The following KIAA0513 variants were observed in gnomAD, a reference collection of about 807,000 sequenced individuals.
KIAA0513 encodes uncharacterized protein KIAA0513.
Under a neutral mutation model 56.5 loss-of-function variants are expected in KIAA0513, and 39 were observed. That is an observed-to-expected ratio of 0.69 (90% CI 0.53 to 0.90). The LOEUF is 0.90. KIAA0513 is among the 40% of genes least tolerant of loss of function. The pLI is 0.00. For synonymous variants in KIAA0513, 268 were observed against 215.6 expected (o/e 1.24, Z -2.13); for missense variants, 591 against 535.2 (o/e 1.10, Z -1.03).
chr16:85,078,530 C>A, intron 7 of KIAA0513, 75 bp downstream of exon 7: 2 of 1,436,920 alleles, frequency 1.4e-6, no homozygotes, highest in Non-Finnish European at 1.9e-6. Flanking sequence ...GGTGCACGGC[C>A]TCTGGGGCTT....
At chr16:85,068,334 T>G (rs1454283080) in intron 2 of KIAA0513, among the ~76,000 whole-genome samples, 1 of 149,658 alleles carries the variant, frequency 6.7e-6, no homozygotes, top group Non-Finnish European at 1.5e-5. Context: ...TTTTTGTATT[T>G]TTTTTGTTTT....
intron 1 of KIAA0513, among the ~76,000 whole-genome samples, chr16:85,036,740 A>G (rs2073041451): frequency 6.6e-6 from 1 of 152,090 alleles, no homozygotes; most frequent in South Asian, 2.1e-4. Context: ...ACCACATTGC[A>G]TGTGGTCACA....
At position 85,082,778 on chromosome 16, in the gene KIAA0513, A is replaced by G. The variant is rs370980577; in HGVS notation, c.1010+185A>G. Reference sequence around the variant, plus strand: ...GAGGCCAGCGCTAGGGCAGGCTGGCAATGCGTCCCAGAACTGGGCAGGTGG... The same window carrying G: ...GAGGCCAGCGCTAGGGCAGGCTGGCGATGCGTCCCAGAACTGGGCAGGTGG... On this transcript the variant is annotated intron_variant, in intron 10 of 12. Coordinates refer to ENST00000683363, the MANE Select transcript of KIAA0513 (RefSeq NM_001388359.1). Among the ~76,000 whole-genome samples, 43 of 152,320 alleles carry G rather than the reference A, an allele frequency of 2.8e-4. No homozygotes were observed. The East Asian group carries it at 6.4e-3, about 23-fold the overall frequency.
intron 1 of KIAA0513, among the ~76,000 whole-genome samples, chr16:85,035,602 C>T (rs2073024695): frequency 6.6e-6 from 1 of 152,144 alleles, no homozygotes; most frequent in Admixed American, 6.5e-5. Context: ...GTGATCCTCC[C>T]ACCTCAGCCT....
intron 1 of KIAA0513, among the ~76,000 whole-genome samples, chr16:85,059,755 C>G (rs1251540144): frequency 6.6e-6 from 1 of 152,196 alleles, no homozygotes; most frequent in Non-Finnish European, 1.5e-5. Context: ...TTAGCACGGC[C>G]AGGGAAGATC....
At chr16:85,082,084 T>C (rs1426222154) in intron 9 of KIAA0513, among the ~76,000 whole-genome samples, 1 of 152,212 alleles carries the variant, frequency 6.6e-6, no homozygotes. Flanking sequence ...CCTGTAACAC[T>C]GGGGAGACCC....
chr16:85,078,064 C>T (rs571275860), intron 6 of KIAA0513, among the ~76,000 whole-genome samples: 1 of 152,124 alleles, frequency 6.6e-6, no homozygotes, highest in African/African-American at 2.4e-5. Flanking sequence ...CAGAAGTAGA[C>T]GCGTAGAAGC....
intron 5 of KIAA0513, among the ~76,000 whole-genome samples, chr16:85,077,145 C>G (rs1020886268): frequency 2.6e-5 from 4 of 152,198 alleles, no homozygotes; most frequent in Non-Finnish European, 5.9e-5. Flanking sequence ...GACCCTGCCA[C>G]TTGGGCCTCG....
At chr16:85,068,044 CAT>C (rs1271865075) in intron 2 of KIAA0513, among the ~76,000 whole-genome samples, 1 of 152,126 alleles carries the variant, frequency 6.6e-6, no homozygotes, top group African/African-American at 2.4e-5. Flanking sequence ...CTCCTGACCT[CAT>C]GTGATCCACC....
At chr16:85,061,353 T>G (rs183753451) in intron 1 of KIAA0513, among the ~76,000 whole-genome samples, 2 of 152,242 alleles carry the variant, frequency 1.3e-5, no homozygotes, top group East Asian at 1.9e-4. Flanking sequence ...GAGGATGACG[T>G]GGGGATCAGG....
intron 1 of KIAA0513, among the ~76,000 whole-genome samples, chr16:85,043,284 A>G (rs563058183): frequency 1.3e-5 from 2 of 152,004 alleles, no homozygotes; most frequent in East Asian, 3.9e-4. Context: ...CCAGGTACAC[A>G]CCACACATAC....
rs112901350 is a variant in KIAA0513 at position 85,081,700 on chromosome 16, T to C, written c.980+308T>C. ...CTGCTGGGCCCACCCTGCTGTTTGC[T>C]GGACAAAATCAGCATCCTGAGGATG... On this transcript the variant is annotated intron_variant, in intron 9 of 12. Coordinates refer to ENST00000683363, the MANE Select transcript of KIAA0513 (RefSeq NM_001388359.1). This position sits in a 1 kb window ranked among gnomAD's most constrained non-coding sequence, Gnocchi z 4.4. Among the ~76,000 whole-genome samples the C allele has an allele frequency of 0.013, 1,985 of 152,284 alleles. 39 individuals are homozygous for C. Among genetic ancestry groups the C allele is most frequent in the African/African-American group, 0.044 (1,834 of 41,562 alleles).
intron 1 of KIAA0513, among the ~76,000 whole-genome samples, chr16:85,049,070 G>A (rs769008552): frequency 6.6e-6 from 1 of 152,230 alleles, no homozygotes; most frequent in Non-Finnish European, 1.5e-5. Context: ...TGCTTTGCAC[G>A]GTGGCCATGT....
At chr16:85,048,999 C>T (rs1368945563) in intron 1 of KIAA0513, among the ~76,000 whole-genome samples, 4 of 152,210 alleles carry the variant, frequency 2.6e-5, no homozygotes, top group East Asian at 3.8e-4. Flanking sequence ...GAGGGAAAAG[C>T]GGCCTGATTA....
At chr16:85,061,763 A>G (rs1002872684) in intron 1 of KIAA0513, among the ~76,000 whole-genome samples, 8 of 152,306 alleles carry the variant, frequency 5.3e-5, no homozygotes, top group South Asian at 2.1e-4. Context: ...CACCGGGGCA[A>G]TCTCGTGAGT....
rs1378885079 is a variant in KIAA0513, at chr16:85,032,163, C to T, written c.-173+4305C>T. 9.8e-5 allele frequency among the ~76,000 whole-genome samples: 15 copies of T among 152,312 alleles called. No individual in the cohort carries two copies. The East Asian group carries it at 2.9e-3, about 29-fold the overall frequency. On this transcript the variant is annotated intron_variant, in intron 1 of 12. Coordinates refer to ENST00000683363, the MANE Select transcript of KIAA0513 (RefSeq NM_001388359.1). ...CCAGCTTCTACTGGTGGCCGGTGAT[C>T]CGTGTTGTCCCCTCACTGGCAGCTG...
chr16:85,051,154 A>G (rs2073247373), intron 1 of KIAA0513, among the ~76,000 whole-genome samples: 2 of 152,100 alleles, frequency 1.3e-5, no homozygotes, highest in East Asian at 3.9e-4. Flanking sequence ...TTAAAAAAAA[A>G]GGAAAAGAAA....
chr16:85,070,508 T>C (rs2073557332), intron 2 of KIAA0513, among the ~76,000 whole-genome samples: 1 of 152,090 alleles, frequency 6.6e-6, no homozygotes, highest in South Asian at 2.1e-4. Flanking sequence ...TGAAACCCCG[T>C]CTCTACTAAA....
In KIAA0513 at chr16:85,044,841, G is replaced by A. The variant is rs796282996; in HGVS notation, c.-173+16983G>A. On this transcript the variant is annotated intron_variant, in intron 1 of 12. Coordinates refer to ENST00000683363, the MANE Select transcript of KIAA0513 (RefSeq NM_001388359.1). ...CTCTTAAGAAAGAAGGCATTTGGCC[G>A]GGTGTGGTGGCTCACACCTGTAATC... Among the ~76,000 whole-genome samples, 13 of 152,070 alleles carry A rather than the reference G, an allele frequency of 8.5e-5. No individual in the cohort carries two copies. The South Asian group carries it at 1.0e-3, about 12-fold the overall frequency.
Sources: allele counts gnomAD v4.1 joint callset (sites outside exome capture counted in the v4.1 genomes callset), GRCh38; gene constraint gnomAD v4.1.1; non-coding constraint Gnocchi (gnomAD v3.1); transcripts MANE v1.5; gene names NCBI Gene and HGNC (gene_info 2026-07-23, HGNC 2026-07-21).